The following PCBP4 variants were observed in gnomAD, a reference collection of about 807,000 sequenced individuals.
PCBP4 encodes the protein poly(rC)-binding protein 4.
A neutral mutation model predicts 46.2 loss-of-function variants in PCBP4; 24 were observed. That is an observed-to-expected ratio of 0.52 (90% CI 0.38 to 0.73). The LOEUF (loss-of-function observed/expected upper bound fraction) is 0.73, where lower values mean the gene tolerates loss of function less well. Among genes scored for constraint, PCBP4 ranks in the 30% least tolerant of loss-of-function variants. The pLI is 0.00. For synonymous variants in PCBP4, 203 were observed against 224.4 expected, an observed-to-expected ratio of 0.90 and a Z score of 0.85; for missense variants, 407 against 537.0, an observed-to-expected ratio of 0.76 and a Z score of 2.39.
chr3:51,959,452 T>C lies in PCBP4; in HGVS notation c.592-41A>G, dbSNP rs778957676. Reference sequence around the variant, plus strand: ...GGATGAAAAGGGGGTTACTGTGACATTGCAGTTCAGCCAGAGTCACTCCTT... The same window carrying C: ...GGATGAAAAGGGGGTTACTGTGACACTGCAGTTCAGCCAGAGTCACTCCTT... On this transcript the variant is annotated intron_variant, in intron 9 of 13. Coordinates refer to ENST00000461554, the MANE Select transcript of PCBP4 (RefSeq NM_001174100.2). The surrounding 1 kb of genome is among the most constrained non-coding windows in gnomAD (Gnocchi z 5.6). The C allele has an allele frequency of 1.9e-6, 3 of 1,574,604 alleles. No homozygotes were observed. The highest frequency in any genetic ancestry group is 2.6e-6 in the Non-Finnish European group (3 of 1,157,952).
In PCBP4 at chr3:51,960,447, C is replaced by G; in HGVS notation, c.255+79G>C. 6.5e-7 allele frequency: 1 copy of G among 1,547,808 alleles called. No homozygotes were observed. The highest frequency in any genetic ancestry group is 1.1e-5 in the South Asian group (1 of 88,934). On this transcript the variant is annotated intron_variant, in intron 6 of 13. Transcript: ENST00000461554. The surrounding 1 kb of genome is among the most constrained non-coding windows in gnomAD (Gnocchi z 5.0). The stretch of plus-strand genomic sequence containing the variant: ...CCCTGGGCTTGACCTCCCCTCCCAC[C>G]CATAGCCACTATCTGGAGTCAGAGT...
Position 51,958,829 on chromosome 3 carries a change from G to A in PCBP4, c.884C>T (p.Pro295Leu), listed in dbSNP as rs750539316. 25 of 1,613,748 alleles carry A rather than the reference G, an allele frequency of 1.5e-5. No individual in the cohort carries two copies. The highest frequency in any genetic ancestry group is 4.4e-5 in the South Asian group (4 of 91,082). Reference protein sequence around the residue: ...GERHVTITGSPVSIALAQYLI... With the variant: ...GERHVTITGSLVSIALAQYLI... ...GTACTGGGCCAGGGCGATGGAGACC[G>A]GAGAGCCAGTGATGGTGACATGCCG... is the stretch of plus-strand genomic sequence containing the variant. The change falls in exon 13 of 14, where the codon CCG (proline) becomes CTG (leucine). Residue 295 changes from proline to leucine, a missense_variant. Physicochemically the swap from Pro to Leu is moderately conservative, Grantham distance 98. Coordinates refer to ENST00000461554, the MANE Select transcript of PCBP4 (RefSeq NM_001174100.2). The surrounding 1 kb of genome is among the most constrained non-coding windows in gnomAD (Gnocchi z 5.4).
intron 2 of PCBP4, 65 bp downstream of exon 2, chr3:51,961,876 T>C (rs2106752475): frequency 3.0e-6 from 1 of 335,322 alleles, no homozygotes. Flanking sequence ...GGTCAGGTCT[T>C]GCCACTGCCT....
In PCBP4 at chr3:51,960,808, C is replaced by T; in HGVS notation, c.138+58G>A. 1 of 1,578,682 alleles carries T rather than the reference C, an allele frequency of 6.3e-7. No individual in the cohort carries two copies. Among genetic ancestry groups the T allele is most frequent in the Non-Finnish European group, 8.7e-7 (1 of 1,147,842 alleles). On this transcript the variant is annotated intron_variant, in intron 5 of 13. Coordinates refer to ENST00000461554, the MANE Select transcript of PCBP4 (RefSeq NM_001174100.2). The surrounding 1 kb of genome is among the most constrained non-coding windows in gnomAD (Gnocchi z 5.0). ...GGAGTGGTTCAGAGAGAAAGTGGGG[C>T]AGGGATCTCCCCTCCACATCAGGTG... is the stretch of plus-strand genomic sequence containing the variant.
chr3:51,959,584 G>A lies in PCBP4; in HGVS notation c.584C>T (p.Ala195Val), dbSNP rs1700038190. ...TCCTGTTGTTCCCCTCACCTGGTTG[G>A]CAGAGAGAAGAACAGTACCTAGGGA... ...SLSLGTVLLS[A>V]NQGFSVQGQY... The change falls in exon 9 of 14, where the codon GCC becomes GTC. Residue 195 changes from alanine to valine, a missense_variant. Coordinates refer to ENST00000461554, the MANE Select transcript of PCBP4 (RefSeq NM_001174100.2). The surrounding 1 kb of genome is among the most constrained non-coding windows in gnomAD (Gnocchi z 5.6). 1.3e-6 allele frequency: 2 copies of A among 1,552,248 alleles called. No individual in the cohort carries two copies. The highest frequency in any genetic ancestry group is 1.4e-5 in the African/African-American group (1 of 73,082).
At chr3:51,963,651 TG>T (rs2106763274) in intron 1 of PCBP4, among the ~76,000 whole-genome samples, 1 of 152,300 alleles carries the variant, frequency 6.6e-6, no homozygotes, top group African/African-American at 2.4e-5. Flanking sequence ...AAAAGATGCC[TG>T]GGTCTCCAGC....
rs757580900 is a variant in PCBP4, at chr3:51,961,251, G to A, written c.-11C>T. 11 of 1,610,026 alleles carry A rather than the reference G, an allele frequency of 6.8e-6. No homozygotes were observed. Among genetic ancestry groups the A allele is most frequent in the Non-Finnish European group, 9.3e-6 (11 of 1,179,632 alleles). The stretch of plus-strand genomic sequence containing the variant: ...GTCCGAGCCGCTCATTCTGTCAGGC[G>A]AGGCTGGGGCCACAGCGACCTGCGA... On this transcript the variant is annotated 5_prime_UTR_variant, in exon 3 of 14. Transcript: ENST00000461554.
intron 1 of PCBP4, among the ~76,000 whole-genome samples, chr3:51,964,266 T>C (rs894554945): frequency 3.3e-5 from 5 of 152,010 alleles, no homozygotes; most frequent in African/African-American, 1.2e-4. Flanking sequence ...CAGCTGTCTC[T>C]CTCCCATGAC....
intron 1 of PCBP4, among the ~76,000 whole-genome samples, chr3:51,962,546 T>C (rs1180566851): frequency 2.0e-5 from 3 of 152,050 alleles, no homozygotes; most frequent in Non-Finnish European, 2.9e-5. Context: ...ACACTGCAAA[T>C]TCCTCATGCC....
At position 51,958,811 on chromosome 3, in the gene PCBP4, G is replaced by A. The variant is rs774282214; in HGVS notation, c.902C>T (p.Ala301Val). The A allele has an allele frequency of 1.9e-6, 3 of 1,613,632 alleles. No individual in the cohort carries two copies. The highest frequency in any genetic ancestry group is 1.7e-6 in the Non-Finnish European group (2 of 1,179,900). ...ITGSPVSIAL[A>V]QYLITACLET... ...TCACCAGGCAGTGATGAGGTACTGG[G>A]CCAGGGCGATGGAGACCGGAGAGCC... The change falls in exon 13 of 14, where the codon GCC becomes GTC. Residue 301 changes from alanine (A) to valine (V), a missense_variant. Ala to Val is a moderately conservative substitution (Grantham distance 64). Transcript: ENST00000461554. The surrounding 1 kb of genome is among the most constrained non-coding windows in gnomAD (Gnocchi z 5.4).
At chr3:51,961,735 G>A in intron 2 of PCBP4, 1 of 993,410 alleles carries the variant, frequency 1.0e-6, no homozygotes, top group South Asian at 4.5e-5. Context: ...GTGGAGTTCA[G>A]GCTGAAAGCT....
At chr3:51,966,753 T>TGGCCAGGCAGGCATGAG (rs1700449560) in intron 1 of PCBP4, among the ~76,000 whole-genome samples, 1 of 151,960 alleles carries the variant, frequency 6.6e-6, no homozygotes, top group Non-Finnish European at 1.5e-5. Flanking sequence ...CTCCCTCTCC[T>TGGCCAGGCAGGCATGAG]GGCCAGGCAG....
At chr3:51,961,799 G>C in intron 2 of PCBP4, 142 bp downstream of exon 2, 1 of 985,644 alleles carries the variant, frequency 1.0e-6, no homozygotes, top group Non-Finnish European at 1.2e-6. Context: ...ATGGAGCACA[G>C]AAGAGCAGCT....
intron 2 of PCBP4, 90 bp downstream of exon 2, chr3:51,961,851 G>T: frequency 1.5e-6 from 1 of 667,048 alleles, no homozygotes; most frequent in Non-Finnish European, 1.9e-6. Context: ...TTGAAGGCAG[G>T]GAGGCCTCGG....
At chr3:51,963,779 G>A (rs1441068660) in intron 1 of PCBP4, among the ~76,000 whole-genome samples, 2 of 152,166 alleles carry the variant, frequency 1.3e-5, no homozygotes, top group African/African-American at 2.4e-5. Context: ...GTCTATCTGC[G>A]CCCTTCCTGG....
intron 1 of PCBP4, among the ~76,000 whole-genome samples, chr3:51,964,938 C>T (rs1192588612): frequency 3.3e-5 from 5 of 152,176 alleles, no homozygotes; most frequent in African/African-American, 1.2e-4. Flanking sequence ...AGACAAAGTG[C>T]CAGGAAGGGA....
chr3:51,966,816 G>A (rs1262134049), intron 1 of PCBP4, among the ~76,000 whole-genome samples: 7 of 140,938 alleles, frequency 5.0e-5, no homozygotes, highest in Non-Finnish European at 7.8e-5. Flanking sequence ...CCACCCCCCA[G>A]GACCCCAGCC....
In PCBP4 at chr3:51,959,136, C is replaced by A. The variant is rs1700005197; in HGVS notation, c.701-37G>T. The A allele has an allele frequency of 6.2e-7, 1 of 1,612,956 alleles. No homozygotes were observed. The stretch of plus-strand genomic sequence containing the variant: ...AAGAGGGACTGAGTGTGGTTCTGGG[C>A]CTTTCCCGCCCCACCATTTCCACTC... On this transcript the variant is annotated intron_variant, in intron 11 of 13. Transcript: ENST00000461554. The surrounding 1 kb of genome is among the most constrained non-coding windows in gnomAD (Gnocchi z 5.6).
Position 51,958,549 on chromosome 3 carries a change from G to A in PCBP4, c.924-200C>T, listed in dbSNP as rs1229852245. Among the ~76,000 whole-genome samples the A allele has an allele frequency of 1.3e-5, 2 of 151,622 alleles. No individual in the cohort carries two copies. Among genetic ancestry groups the A allele is most frequent in the Non-Finnish European group, 2.9e-5 (2 of 67,944 alleles). ...TAGCACGAGGTGCAGGGAGAAATGG[G>A]GTGGCCAGAGACCCAGGGAAAAGAC... On this transcript the variant is annotated intron_variant, in intron 13 of 13. Transcript: ENST00000461554. This position sits in a 1 kb window ranked among gnomAD's most constrained non-coding sequence, Gnocchi z 5.4.
Sources: gnomAD v4.1 joint callset for allele counts (sites outside exome capture counted in the v4.1 genomes callset) on GRCh38, gnomAD v4.1.1 for gene constraint, Gnocchi (gnomAD v3.1) non-coding constraint, MANE v1.5 for transcripts, NCBI Gene and HGNC (gene_info 2026-07-23, HGNC 2026-07-21) for gene names.